SESTD1: variants seen among roughly 807,000 people sequenced by gnomAD.
SESTD1 encodes SEC14 and spectrin domain containing 1, also known as SEC14 domain and spectrin repeat-containing protein 1.
Under a neutral mutation model 101.7 loss-of-function variants are expected in SESTD1, and 43 were observed. The observed-to-expected ratio is 0.42, with a 90% confidence interval of 0.33 to 0.55. The LOEUF (loss-of-function observed/expected upper bound fraction) is 0.55. SESTD1 is among the 20% of genes least tolerant of loss of function. The pLI is 0.07. For missense variants in SESTD1, 647 were observed against 815.1 expected, an observed-to-expected ratio of 0.79 and a Z score of 2.51; for synonymous variants, 283 against 286.8, an observed-to-expected ratio of 0.99 and a Z score of 0.13.
intron 1 of SESTD1, among the ~76,000 whole-genome samples, chr2:179,232,246 CAA>C (rs11453861): frequency 2.0e-5 from 3 of 151,456 alleles, no homozygotes; most frequent in Non-Finnish European, 3.0e-5. Context: ...ATACATTTTC[CAA>C]AAAAAGATAC....
At chr2:179,177,541 ACGCT>A (rs1235506428) in intron 3 of SESTD1, among the ~76,000 whole-genome samples, 1 of 152,158 alleles carries the variant, frequency 6.6e-6, no homozygotes, top group Non-Finnish European at 1.5e-5. Flanking sequence ...CCAAGCATGC[ACGCT>A]AGTTCCAAGA....
intron 1 of SESTD1, among the ~76,000 whole-genome samples, chr2:179,262,295 G>A (rs1014541951): frequency 6.6e-6 from 1 of 152,130 alleles, no homozygotes; most frequent in Non-Finnish European, 1.5e-5. Context: ...GCATAATTTT[G>A]TGAATATATT....
At chr2:179,227,856 C>T (rs1394018117) in intron 1 of SESTD1, among the ~76,000 whole-genome samples, 4 of 152,050 alleles carry the variant, frequency 2.6e-5, no homozygotes, top group East Asian at 3.9e-4. Context: ...TGAACTCTGC[C>T]GCTTATTAGG....
chr2:179,261,778 T>A (rs1440494576), intron 1 of SESTD1, among the ~76,000 whole-genome samples: 3 of 152,096 alleles, frequency 2.0e-5, no homozygotes, highest in Admixed American at 6.5e-5. Context: ...CTAGAAGGAA[T>A]GTAAAACAGT....
At chr2:179,163,697 C>T (rs114349461) in intron 5 of SESTD1, among the ~76,000 whole-genome samples, 176 of 151,982 alleles carry the variant, frequency 1.2e-3, no homozygotes, top group African/African-American at 4.0e-3. Context: ...TTACTTTTCC[C>T]CTTCATTTTA....
intron 1 of SESTD1, among the ~76,000 whole-genome samples, chr2:179,253,245 AC>A (rs1219266668): frequency 6.6e-6 from 1 of 152,186 alleles, no homozygotes; most frequent in East Asian, 1.9e-4. Context: ...CAAAAAAAAA[AC>A]ACCTCTGAGA....
intron 1 of SESTD1, among the ~76,000 whole-genome samples, chr2:179,256,205 C>A (rs1447032746): frequency 6.6e-6 from 1 of 152,152 alleles, no homozygotes; most frequent in Non-Finnish European, 1.5e-5. Context: ...TTTAGAAATA[C>A]ATTTCAAAGG....
At chr2:179,230,670 T>C (rs543185875) in intron 1 of SESTD1, among the ~76,000 whole-genome samples, 2 of 151,482 alleles carry the variant, frequency 1.3e-5, no homozygotes, top group South Asian at 2.1e-4. Context: ...ACAGGAACAG[T>C]TGGTAAAATG....
chr2:179,122,033 G>A (rs2044765024), intron 12 of SESTD1, 104 bp from the exon 13 acceptor site: 2 of 1,201,170 alleles, frequency 1.7e-6, no homozygotes, highest in Admixed American at 3.0e-5. Flanking sequence ...CCAAGTATAG[G>A]AGCTTTGTAC....
At chr2:179,186,079 A>C (rs897291526) in intron 2 of SESTD1, among the ~76,000 whole-genome samples, 2 of 139,198 alleles carry the variant, frequency 1.4e-5, no homozygotes, top group Admixed American at 1.5e-4. Context: ...ACAATATATA[A>C]TATAATACAT....
chr2:179,183,124 C>T lies in SESTD1; in HGVS notation c.120G>A (p.Met40Ile), dbSNP rs2046146687. 5 of 1,611,812 alleles carry T rather than the reference C, an allele frequency of 3.1e-6. No individual in the cohort carries two copies. Among genetic ancestry groups the T allele is most frequent in the Non-Finnish European group, 3.4e-6 (4 of 1,178,878 alleles). The change falls in exon 3 of 18, where the codon ATG (methionine) becomes ATA (isoleucine). Residue 40 changes from methionine (M) to isoleucine (I), a missense_variant. Around this residue, in one of 3 missense-constraint regions of SESTD1, gnomAD observed 168 missense variants for 235.1 expected, o/e 0.71. Transcript: ENST00000428443. ...TIPLCLEQTN[M>I]DELSVTLDYL... The stretch of plus-strand genomic sequence containing the variant: ...AGTCTAAGGTGACACTCAGCTCATC[C>T]ATATTTGTCTGTTCGAGGCATAATG...
chr2:179,264,391 G>A (rs2047528692), intron 1 of SESTD1, 108 bp downstream of exon 1: 1 of 151,130 alleles, frequency 6.6e-6, no homozygotes, highest in African/African-American at 2.4e-5. Context: ...GGGGAAGAAA[G>A]CCGGGCCCGC....
At chr2:179,257,406 C>T (rs970687833) in intron 1 of SESTD1, among the ~76,000 whole-genome samples, 3 of 152,130 alleles carry the variant, frequency 2.0e-5, no homozygotes, top group Non-Finnish European at 2.9e-5. Flanking sequence ...TGAAGATATA[C>T]GTAGATCATT....
intron 14 of SESTD1, 151 bp from the exon 15 acceptor site, chr2:179,116,941 C>T: frequency 9.0e-7 from 1 of 1,112,604 alleles, no homozygotes; most frequent in Non-Finnish European, 1.2e-6. Flanking sequence ...CAATGATAAG[C>T]TACATGAATT....
chr2:179,152,458 T>C (rs2105451621), intron 5 of SESTD1, among the ~76,000 whole-genome samples: 1 of 152,292 alleles, frequency 6.6e-6, no homozygotes, highest in African/African-American at 2.4e-5. Context: ...AAAGTATGAA[T>C]TTTACTTCAC....
chr2:179,138,870 C>CAAAAAAAAAAAAAAA (rs61703699), intron 9 of SESTD1, among the ~76,000 whole-genome samples: 2 of 65,536 alleles, frequency 3.1e-5, no homozygotes, highest in African/African-American at 8.8e-5. Flanking sequence ...AACCCTGTCT[C>CAAAAAAAAAAAAAAA]AAAAAAAAAA....
intron 1 of SESTD1, among the ~76,000 whole-genome samples, chr2:179,236,889 G>A (rs1402835970): frequency 6.6e-6 from 1 of 151,330 alleles, no homozygotes; most frequent in Non-Finnish European, 1.5e-5. Flanking sequence ...ATTTTACCAA[G>A]TAGTTTTACT....
chr2:179,259,634 G>A (rs2047452993), intron 1 of SESTD1, among the ~76,000 whole-genome samples: 1 of 152,064 alleles, frequency 6.6e-6, no homozygotes, highest in African/African-American at 2.4e-5. Flanking sequence ...CAAAACTTCT[G>A]ACTTAGGGCT....
intron 4 of SESTD1, among the ~76,000 whole-genome samples, chr2:179,175,346 C>T (rs2045992949): frequency 6.6e-6 from 1 of 152,116 alleles, no homozygotes; most frequent in Admixed American, 6.5e-5. Flanking sequence ...ACGTTAAAAA[C>T]CATTCTCCTT....
Sources: allele counts gnomAD v4.1 joint callset (sites outside exome capture counted in the v4.1 genomes callset), GRCh38; gene constraint gnomAD v4.1.1; regional missense constraint gnomAD v4.1.1; transcripts MANE v1.5; gene names NCBI Gene and HGNC (gene_info 2026-07-23, HGNC 2026-07-21).